The following CAPS2 variants were observed in gnomAD, a reference collection of about 807,000 sequenced individuals.
CAPS2 encodes the protein calcyphosine 2.
Under a neutral mutation model 86.5 loss-of-function variants are expected in CAPS2, and 98 were observed. The observed-to-expected ratio is 1.13, with a 90% CI of 0.96 to 1.34. CAPS2 has a LOEUF of 1.34. Among genes scored for constraint, CAPS2 ranks in the 40% most tolerant of loss-of-function variants. The pLI is 0.00. For missense variants in CAPS2, 729 were observed against 686.8 expected (o/e 1.06, Z -0.69); for synonymous variants, 210 against 225.1 (o/e 0.93, Z 0.60).
chr12:75,305,741 G>A lies in CAPS2; in HGVS notation c.660-865C>T, dbSNP rs1593400271. The stretch of plus-strand genomic sequence containing the variant: ...GCTCGTGTGGTACATGCGGGTCAAG[G>A]ACCAGAAGAAGATGATCATCTGGTT... On this transcript the variant is annotated intron_variant, in intron 7 of 16. Transcript: ENST00000393284. The A allele has an allele frequency of 4.3e-6, 3 of 702,258 alleles. No homozygotes were observed. In the East Asian group the frequency reaches 9.9e-5, roughly 23 times the overall value. 43.5% of individuals were successfully genotyped at this position (702,258 alleles called of 1,614,324 possible). A position where few individuals can be genotyped will look rare whatever the true frequency, so the allele number is the denominator to read the frequency against.
intron 1 of CAPS2, among the ~76,000 whole-genome samples, chr12:75,346,207 T>C (rs1274237445): frequency 2.0e-5 from 3 of 152,208 alleles, no homozygotes; most frequent in Non-Finnish European, 2.9e-5. Context: ...ATAAGCCAAA[T>C]TGTTAAACAT....
intron 11 of CAPS2, among the ~76,000 whole-genome samples, chr12:75,296,401 C>T (rs774403964): frequency 6.6e-6 from 1 of 152,088 alleles, no homozygotes; most frequent in Admixed American, 6.5e-5. Flanking sequence ...ACGCCATTCT[C>T]CTGCCTCAGT....
chr12:75,285,563 G>A (rs1320305257), intron 14 of CAPS2, among the ~76,000 whole-genome samples: 2 of 151,782 alleles, frequency 1.3e-5, no homozygotes, highest in South Asian at 2.1e-4. Context: ...AATCCACTGT[G>A]TAATGAAAAC....
chr12:75,369,856 A>C (rs1440999944), intron 1 of CAPS2: 1 of 1,334,080 alleles, frequency 7.5e-7, no homozygotes, highest in African/African-American at 1.5e-5. Flanking sequence ...AAGTCAAACT[A>C]ATTTTTGTTA....
chr12:75,292,983 G>C (rs1486588676), intron 12 of CAPS2, among the ~76,000 whole-genome samples: 1 of 151,534 alleles, frequency 6.6e-6, no homozygotes, highest in Admixed American at 6.6e-5. Context: ...TAAAATAAAA[G>C]TGTTATAGCA....
At chr12:75,332,280 T>A (rs1444851839), upstream of CAPS2, among the ~76,000 whole-genome samples, 2 of 152,254 alleles carry the variant, frequency 1.3e-5, no homozygotes, top group Non-Finnish European at 2.9e-5. Context: ...ACCTTATCCC[T>A]ATCAACCTTT....
intron 1 of CAPS2, among the ~76,000 whole-genome samples, chr12:75,361,961 G>T (rs746385770): frequency 1.3e-5 from 2 of 151,954 alleles, no homozygotes; most frequent in South Asian, 4.2e-4. Flanking sequence ...AAACCTCTAC[G>T]ACCTTTAGAT....
intron 1 of CAPS2, among the ~76,000 whole-genome samples, chr12:75,382,088 A>G (rs765171138): frequency 2.0e-5 from 3 of 152,178 alleles, no homozygotes; most frequent in Non-Finnish European, 4.4e-5. Context: ...AATGCTTCTC[A>G]TGCACAATTA....
At chr12:75,352,838 G>A (rs1302344305) in intron 1 of CAPS2, among the ~76,000 whole-genome samples, 1 of 152,116 alleles carries the variant, frequency 6.6e-6, no homozygotes, top group African/African-American at 2.4e-5. Flanking sequence ...TCAATATTAA[G>A]AAACACTCAA....
intron 1 of CAPS2, among the ~76,000 whole-genome samples, chr12:75,376,928 T>A (rs1020659797): frequency 3.3e-5 from 5 of 152,136 alleles, no homozygotes; most frequent in African/African-American, 1.2e-4. Context: ...GGAATTAGAA[T>A]CCCTGAGCTC....
chr12:75,308,056 T>A (rs1344849549), intron 7 of CAPS2, among the ~76,000 whole-genome samples: 1 of 152,178 alleles, frequency 6.6e-6, no homozygotes, highest in Non-Finnish European at 1.5e-5. Context: ...TGAAAATACC[T>A]GATTGGTCCC....
chr12:75,354,318 A>G (rs1231553109), intron 1 of CAPS2, among the ~76,000 whole-genome samples: 1 of 152,140 alleles, frequency 6.6e-6, no homozygotes, highest in African/African-American at 2.4e-5. Flanking sequence ...AAAAGTCACA[A>G]GCATTCCTGT....
At chr12:75,311,416 G>C (rs987837875) in intron 7 of CAPS2, among the ~76,000 whole-genome samples, 2 of 152,112 alleles carry the variant, frequency 1.3e-5, no homozygotes, top group African/African-American at 4.8e-5. Flanking sequence ...AGTTACTATG[G>C]AGGAAAATTA....
At chr12:75,335,578 G>A (rs947251499) in intron 1 of CAPS2, among the ~76,000 whole-genome samples, 5 of 152,222 alleles carry the variant, frequency 3.3e-5, no homozygotes, top group African/African-American at 9.6e-5. Context: ...TGTAGATACA[G>A]TATAACTCAT....
intron 15 of CAPS2, among the ~76,000 whole-genome samples, chr12:75,283,992 T>C (rs1047792215): frequency 9.2e-5 from 14 of 152,124 alleles, no homozygotes; most frequent in African/African-American, 3.4e-4. Flanking sequence ...AATAAATTTC[T>C]ATTATTTCAG....
chr12:75,349,732 T>G (rs2042680366), intron 1 of CAPS2, among the ~76,000 whole-genome samples: 1 of 151,984 alleles, frequency 6.6e-6, no homozygotes, highest in Non-Finnish European at 1.5e-5. Context: ...AATCATAACA[T>G]TAGAAATTAT....
Position 75,346,548 on chromosome 12 carries a change from G to A in CAPS2, c.-394-23326C>T, listed in dbSNP as rs544456337. Among the ~76,000 whole-genome samples, 29 of 152,150 alleles carry A rather than the reference G, an allele frequency of 1.9e-4. No homozygotes were observed. The East Asian group carries it at 2.5e-3, about 13-fold the overall frequency. ...TAGGATTACAGGCACATGCCACCAC[G>A]CTCAGCTAGTTTTTGTATTTTTAGT... On this transcript the variant is annotated intron_variant, in intron 1 of 5. Coordinates refer to the CAPS2 transcript ENST00000551829.
At chr12:75,350,607 C>T (rs1199711442) in intron 1 of CAPS2, among the ~76,000 whole-genome samples, 2 of 152,106 alleles carry the variant, frequency 1.3e-5, no homozygotes, top group East Asian at 3.9e-4. Context: ...AGCAGCCCTA[C>T]AGAAAAGGGG....
intron 1 of CAPS2, among the ~76,000 whole-genome samples, chr12:75,389,088 A>G (rs1452205041): frequency 6.6e-6 from 1 of 152,166 alleles, no homozygotes; most frequent in African/African-American, 2.4e-5. Context: ...TTGTTTTTCC[A>G]TCTGTTAAAG....
Sources: allele counts gnomAD v4.1 joint callset (sites outside exome capture counted in the v4.1 genomes callset), GRCh38; gene constraint gnomAD v4.1.1; transcripts MANE v1.5; gene names NCBI Gene and HGNC (gene_info 2026-07-23, HGNC 2026-07-21).